The following SAMD10 variants were observed in gnomAD, a reference collection of about 807,000 sequenced individuals.
SAMD10 encodes the protein sterile alpha motif domain-containing protein 10.
A neutral mutation model predicts 22.5 loss-of-function variants in SAMD10; 16 were observed. The observed-to-expected ratio is 0.71, with a 90% confidence interval of 0.48 to 1.08. SAMD10 has a LOEUF of 1.08. Ranked by LOEUF, SAMD10 falls within the 50% of genes least tolerant of loss-of-function variation. SAMD10 has a pLI of 0.00. For missense variants in SAMD10, 227 were observed against 281.3 expected, an observed-to-expected ratio of 0.81 and a Z score of 1.38; for synonymous variants, 118 against 122.2, an observed-to-expected ratio of 0.97 and a Z score of 0.23.
In SAMD10 at chr20:63,975,524, C is replaced by G; in HGVS notation, c.595G>C (p.Gly199Arg). The G allele has an allele frequency of 6.2e-7, 1 of 1,607,028 alleles. No homozygotes were observed. Residue 199 changes from glycine (G) to arginine (R), a missense_variant, in exon 5 of 5, where the codon GGG becomes CGG. Coordinates refer to ENST00000369886, the MANE Select transcript of SAMD10 (RefSeq NM_080621.5). Reference sequence around the variant, plus strand: ...CTCAGCAGCAGCTAGGACATTTTCCCGAAGGAAGCTGTGTGATGGAAGAGG... The same window carrying G: ...CTCAGCAGCAGCTAGGACATTTTCCGGAAGGAAGCTGTGTGATGGAAGAGG... Reference protein sequence around the residue: ...SLQLLSQASFGKMS With the variant: ...SLQLLSQASFRKMS
rs1269633449 is a variant in SAMD10 at position 63,974,389 on chromosome 20, T to G, written c.*1121A>C. On this transcript the variant is annotated 3_prime_UTR_variant, in exon 5 of 5. Coordinates refer to ENST00000369886, the MANE Select transcript of SAMD10 (RefSeq NM_080621.5). The stretch of plus-strand genomic sequence containing the variant: ...CCAGGCCAGTTGTCCAAATTCCACC[T>G]GGGACCTGCAGTGACCAGCCTCGAG... 3 of 152,690 alleles carry G rather than the reference T, an allele frequency of 2.0e-5. No homozygotes were observed. Among genetic ancestry groups the G allele is most frequent in the Non-Finnish European group, 4.4e-5 (3 of 68,160 alleles). 9.5% of individuals were successfully genotyped at this position (152,690 alleles called of 1,614,324 possible). A position where few individuals can be genotyped will look rare whatever the true frequency, so the allele number is the denominator to read the frequency against.
In SAMD10 at chr20:63,977,617, C is replaced by T. The variant is rs1281862254; in HGVS notation, c.92-211G>A. 1.3e-5 allele frequency among the ~76,000 whole-genome samples: 2 copies of T among 152,238 alleles called. No individual in the cohort carries two copies. Among genetic ancestry groups the T allele is most frequent in the East Asian group, 1.9e-4 (1 of 5,208 alleles). On this transcript the variant is annotated intron_variant, in intron 1 of 4. Transcript: ENST00000369886. The surrounding 1 kb of genome is among the most constrained non-coding windows in gnomAD (Gnocchi z 5.4). Reference sequence around the variant, plus strand: ...ACAAAAAGAGAAGAACTGGAAACACCTTTCATCTTGCAAGTCTACAGCCCT... The same window carrying T: ...ACAAAAAGAGAAGAACTGGAAACACTTTTCATCTTGCAAGTCTACAGCCCT...
At position 63,977,348 on chromosome 20, in the gene SAMD10, G is replaced by A; in HGVS notation, c.150C>T (p.Ser50=). Residue 50 remains serine (S), a synonymous_variant, in exon 2 of 5, where the codon AGC becomes AGT. Transcript: ENST00000369886. The surrounding 1 kb of genome is among the most constrained non-coding windows in gnomAD (Gnocchi z 5.4). ...GTGTCCGAGGCAAGTGGCAGGGGAT[G>A]CTCTCAGCTGACACCGTGTGCTCCA... ...TLLEHTVSAE[S]IPCHLPRTPG... 6.2e-7 allele frequency: 1 copy of A among 1,613,456 alleles called. No individual in the cohort carries two copies. Among genetic ancestry groups the A allele is most frequent in the Non-Finnish European group, 8.5e-7 (1 of 1,180,036 alleles).
Position 63,979,330 on chromosome 20 carries a change from A to C in SAMD10, c.91+47T>G. ...CCGCCCCCGTGCCTCTGGGTCCCTG[A>C]GACCCCCGCCCGAGAAATCCCCGCT... On this transcript the variant is annotated intron_variant, in intron 1 of 4. Transcript: ENST00000369886. The surrounding 1 kb of genome is among the most constrained non-coding windows in gnomAD (Gnocchi z 7.7). The C allele has an allele frequency of 1.0e-6, 1 of 977,106 alleles. No homozygotes were observed. Among genetic ancestry groups the C allele is most frequent in the Non-Finnish European group, 1.4e-6 (1 of 708,320 alleles). The allele number at this position is 977,106 out of a possible 1,614,324, so 60.5% of individuals were successfully genotyped here.
Position 63,975,812 on chromosome 20 carries a change from TCA to T in SAMD10, c.464_465del (p.Leu155GlnfsTer30). 6.2e-7 allele frequency: 1 copy of T among 1,601,754 alleles called. No homozygotes were observed. The highest frequency in any genetic ancestry group is 2.2e-5 in the East Asian group (1 of 44,632). On this transcript the variant is annotated frameshift_variant, in exon 4 of 5. Transcript: ENST00000369886. LOFTEE classifies it high-confidence loss of function. ...HAITGRALLR[L>X]NAEKLQRMGL... The stretch of plus-strand genomic sequence containing the variant: ...CCCATCCGCTGCAGCTTCTCCGCAT[TCA>T]GCCGCAGCAGTGCCCGGCCTGGGGA...
chr20:63,978,050 A>G (rs2059037487), intron 1 of SAMD10, among the ~76,000 whole-genome samples: 1 of 152,216 alleles, frequency 6.6e-6, no homozygotes, highest in Non-Finnish European at 1.5e-5. Flanking sequence ...CGCCCCCCAC[A>G]GGGCCTGCAG....
Position 63,979,302 on chromosome 20 carries a change from G to T in SAMD10, c.91+75C>A. 2.3e-6 allele frequency: 2 copies of T among 883,624 alleles called. No individual in the cohort carries two copies. Among genetic ancestry groups the T allele is most frequent in the South Asian group, 1.9e-5 (1 of 51,512 alleles). 54.7% of individuals were successfully genotyped at this position (883,624 alleles called of 1,614,324 possible). On this transcript the variant is annotated intron_variant, in intron 1 of 4. Coordinates refer to ENST00000369886, the MANE Select transcript of SAMD10 (RefSeq NM_080621.5). The surrounding 1 kb of genome is among the most constrained non-coding windows in gnomAD (Gnocchi z 7.7). ...CGCCGCTCGAAGCCCGCCGGGTCCC[G>T]CCCCGCCCCCGTGCCTCTGGGTCCC...
intron 3 of SAMD10, among the ~76,000 whole-genome samples, chr20:63,976,561 G>A (rs1429669725): frequency 1.3e-5 from 2 of 151,838 alleles, no homozygotes; most frequent in South Asian, 2.1e-4. Flanking sequence ...TCAGGAGTTC[G>A]AGATCATCCT....
At chr20:63,975,610 C>T in intron 4 of SAMD10, 78 bp from the exon 5 acceptor site, 1 of 1,580,090 alleles carries the variant, frequency 6.3e-7, no homozygotes, top group Non-Finnish European at 8.6e-7. Flanking sequence ...GGGCCTGCAG[C>T]CGACCTCCTG....
intron 1 of SAMD10, among the ~76,000 whole-genome samples, chr20:63,978,745 G>C (rs1004489481): frequency 2.6e-5 from 4 of 152,236 alleles, no homozygotes; most frequent in African/African-American, 9.6e-5. Context: ...GTGGCCCCTA[G>C]TGCTGTGGGA....
At position 63,977,374 on chromosome 20, in the gene SAMD10, G is replaced by C. The variant is rs2059032210; in HGVS notation, c.124C>G (p.Leu42Val). 1.9e-6 allele frequency: 3 copies of C among 1,613,276 alleles called. No homozygotes were observed. The highest frequency in any genetic ancestry group is 2.5e-6 in the Non-Finnish European group (3 of 1,180,024). ...CTCTCAGCTGACACCGTGTGCTCCA[G>C]GAGGGTCCGGCAGAAGCTGAAGTGG... is the stretch of plus-strand genomic sequence containing the variant. ...TAHFSFCRTL[L>V]EHTVSAESIP... The change falls in exon 2 of 5, where the codon CTG becomes GTG. Residue 42 changes from leucine to valine, a missense_variant. Physicochemically the swap from Leu to Val is conservative, Grantham distance 32 (BLOSUM62 1). Coordinates refer to ENST00000369886, the MANE Select transcript of SAMD10 (RefSeq NM_080621.5). The surrounding 1 kb of genome is among the most constrained non-coding windows in gnomAD (Gnocchi z 5.4).
At position 63,975,795 on chromosome 20, in the gene SAMD10, C is replaced by T; in HGVS notation, c.483G>A (p.Gln161=). Residue 161 remains glutamine, a synonymous_variant, in exon 4 of 5, where the codon CAG becomes CAA. Transcript: ENST00000369886. ...ALLRLNAEKL[Q]RMGLAQEAQR... ...GGGCCTCCTGGGCCAGCCCCATCCG[C>T]TGCAGCTTCTCCGCATTCAGCCGCA... 3 of 1,603,970 alleles carry T rather than the reference C, an allele frequency of 1.9e-6. No homozygotes were observed. Among genetic ancestry groups the T allele is most frequent in the Non-Finnish European group, 2.5e-6 (3 of 1,178,812 alleles).
rs1235925401 is a variant in SAMD10 at position 63,977,652 on chromosome 20, G to A, written c.92-246C>T. ...GCAAGTCTACAGCCCTCACCCAGGG[G>A]AGCAGGATGGATTCTTAGATCAGAG... On this transcript the variant is annotated intron_variant, in intron 1 of 4. Coordinates refer to ENST00000369886, the MANE Select transcript of SAMD10 (RefSeq NM_080621.5). The surrounding 1 kb of genome is among the most constrained non-coding windows in gnomAD (Gnocchi z 5.4). 1.3e-5 allele frequency among the ~76,000 whole-genome samples: 2 copies of A among 152,346 alleles called. No homozygotes were observed. Among genetic ancestry groups the A allele is most frequent in the African/African-American group, 4.8e-5 (2 of 41,594 alleles).
chr20:63,974,418 G>A lies in SAMD10; in HGVS notation c.*1092C>T, dbSNP rs1207702089. ...ACCTGCAGTGACCAGCCTCGAGTCT[G>A]GAGGCTCAAAGCACACAGAGGGGAC... On this transcript the variant is annotated 3_prime_UTR_variant, in exon 5 of 5. Transcript: ENST00000369886. 6.5e-6 allele frequency: 1 copy of A among 152,746 alleles called. No homozygotes were observed. Among genetic ancestry groups the A allele is most frequent in the Non-Finnish European group, 1.5e-5 (1 of 68,140 alleles). 9.5% of individuals were successfully genotyped at this position (152,746 alleles called of 1,614,324 possible). A position where few individuals can be genotyped will look rare whatever the true frequency, so the allele number is the denominator to read the frequency against.
chr20:63,977,450 A>G lies in SAMD10; in HGVS notation c.92-44T>C. ...GGTCAGGGCAGTCAAGGGCAGAACC[A>G]GAGGCTTCCTCTACTTGAGAGCTAG... On this transcript the variant is annotated intron_variant, in intron 1 of 4. Transcript: ENST00000369886. The surrounding 1 kb of genome is among the most constrained non-coding windows in gnomAD (Gnocchi z 5.4). The G allele has an allele frequency of 6.3e-7, 1 of 1,592,430 alleles. No individual in the cohort carries two copies. The highest frequency in any genetic ancestry group is 8.6e-7 in the Non-Finnish European group (1 of 1,164,264).
At chr20:63,980,128 G>A (rs879920486), upstream of SAMD10, 6 of 152,818 alleles carry the variant, frequency 3.9e-5, no homozygotes, top group South Asian at 8.2e-4. Flanking sequence ...CTCCAAGGAG[G>A]CTGTAGCAGG....
chr20:63,975,719 C>T lies in SAMD10; in HGVS notation c.559G>A (p.Gly187Arg). The T allele has an allele frequency of 1.2e-6, 2 of 1,607,342 alleles. No homozygotes were observed. The highest frequency in any genetic ancestry group is 8.5e-7 in the Non-Finnish European group (1 of 1,178,840). The part of the protein sequence containing the change: ...QVLRLQVREE[G>R]RSLQLLSQAS... ...TGGCTGAGCAGCTGCAGGCTCCGCC[C>T]CTCCTCACGCACCTGCAGGCGGAGC... is the stretch of plus-strand genomic sequence containing the variant. Residue 187 changes from glycine (G) to arginine (R), a missense_variant, in exon 4 of 5, where the codon GGG becomes AGG. Coordinates refer to ENST00000369886, the MANE Select transcript of SAMD10 (RefSeq NM_080621.5).
Position 63,977,088 on chromosome 20 carries a change from C to T in SAMD10, c.328G>A (p.Gly110Ser), listed in dbSNP as rs1362565760. 1 of 1,614,106 alleles carries T rather than the reference C, an allele frequency of 6.2e-7. No individual in the cohort carries two copies. The highest frequency in any genetic ancestry group is 1.7e-5 in the Admixed American group (1 of 60,024). ...CACAGGACCACGGGCCGGGTCAGGC[C>T]ACCCAGCGAGGGGCTTGTATGGTAC... ...GLYHTSPSLG[G>S]LTRPVVLWSQ... is the part of the protein sequence containing the mutation. Residue 110 changes from glycine (G) to serine (S), a missense_variant, in exon 3 of 5, where the codon GGC (glycine) becomes AGC (serine). Physicochemically the swap from Gly to Ser is moderately conservative, Grantham distance 56. Coordinates refer to ENST00000369886, the MANE Select transcript of SAMD10 (RefSeq NM_080621.5). The surrounding 1 kb of genome is among the most constrained non-coding windows in gnomAD (Gnocchi z 5.4).
In SAMD10 at chr20:63,977,458, C is replaced by T. The variant is rs759650837; in HGVS notation, c.92-52G>A. Reference sequence around the variant, plus strand: ...CAGTCAAGGGCAGAACCAGAGGCTTCCTCTACTTGAGAGCTAGCTCCCTGC... The same window carrying T: ...CAGTCAAGGGCAGAACCAGAGGCTTTCTCTACTTGAGAGCTAGCTCCCTGC... On this transcript the variant is annotated intron_variant, in intron 1 of 4. Transcript: ENST00000369886. This position sits in a 1 kb window ranked among gnomAD's most constrained non-coding sequence, Gnocchi z 5.4. 5.7e-6 allele frequency: 9 copies of T among 1,575,178 alleles called. No homozygotes were observed. The highest frequency in any genetic ancestry group is 4.5e-5 in the East Asian group (2 of 44,352).
Sources: allele counts gnomAD v4.1 joint callset (sites outside exome capture counted in the v4.1 genomes callset), GRCh38; gene constraint gnomAD v4.1.1; non-coding constraint Gnocchi (gnomAD v3.1); transcripts MANE v1.5; gene names NCBI Gene and HGNC (gene_info 2026-07-23, HGNC 2026-07-21).